The following IGF2R variants were observed in gnomAD, a reference collection of about 807,000 sequenced individuals.
IGF2R encodes the protein cation-independent mannose-6-phosphate receptor.
Under a neutral mutation model 270.6 loss-of-function variants are expected in IGF2R, and 91 were observed. The observed-to-expected ratio is 0.34, with a 90% CI of 0.28 to 0.40. The LOEUF (loss-of-function observed/expected upper bound fraction) is 0.40. Among genes scored for constraint, IGF2R ranks in the 10% least tolerant of loss-of-function variants. The probability of loss-of-function intolerance (pLI) is 1.00; values close to 1 mark genes in which losing one functional copy is unlikely to be tolerated. For missense variants in IGF2R, 2,805 were observed against 3,188.3 expected (o/e 0.88, Z 2.90); for synonymous variants, 1,316 against 1,258.9 (o/e 1.05, Z -0.96).
At chr6:160,100,016 A>G (rs189445435) in intron 45 of IGF2R, among the ~76,000 whole-genome samples, 3 of 152,370 alleles carry the variant, frequency 2.0e-5, no homozygotes, top group Admixed American at 6.5e-5. Flanking sequence ...TAAATATAGT[A>G]TGTAACTTCC....
rs573451595 is a variant in IGF2R at position 160,068,142 on chromosome 6, G to A, written c.4116-107G>A. ...AGAGAGAAGTCGAGTCTAAAGTTCT[G>A]TCAGGCTTAGACTATGCCTGAATAC... On this transcript the variant is annotated intron_variant, in intron 29 of 47. Coordinates refer to ENST00000356956, the MANE Select transcript of IGF2R (RefSeq NM_000876.4). The A allele has an allele frequency of 4.9e-6, 6 of 1,216,138 alleles. No homozygotes were observed. In the South Asian group the frequency reaches 8.4e-5, roughly 17 times the overall value. The allele number at this position is 1,216,138 out of a possible 1,614,324, so 75.3% of individuals were successfully genotyped here.
intron 43 of IGF2R, 139 bp downstream of exon 43, chr6:160,089,392 T>C: frequency 1.4e-6 from 1 of 705,552 alleles, no homozygotes; most frequent in Non-Finnish European, 2.2e-6. Flanking sequence ...TCGTCATCTT[T>C]TGCTTAAACT....
chr6:160,060,582 AATG>A lies in IGF2R; in HGVS notation c.3134_3136del (p.Asp1045del), dbSNP rs1311365528. On this transcript the variant is annotated inframe_deletion, in exon 23 of 48. Coordinates refer to ENST00000356956, the MANE Select transcript of IGF2R (RefSeq NM_000876.4). ...TGCTTTTATCGTCCGCTTTGTTTGC[AATG>A]ATGATGTTTACTCAGGGCCCCTCAA... is the stretch of plus-strand genomic sequence containing the variant. 1 of 1,614,106 alleles carries A rather than the reference AATG, an allele frequency of 6.2e-7. No individual in the cohort carries two copies. Among genetic ancestry groups the A allele is most frequent in the Non-Finnish European group, 8.5e-7 (1 of 1,180,048 alleles).
At chr6:160,000,543 G>C (rs1784111559) in intron 2 of IGF2R, among the ~76,000 whole-genome samples, 1 of 151,946 alleles carries the variant, frequency 6.6e-6, no homozygotes. Flanking sequence ...CGCATCACCA[G>C]GTATAAATGC....
chr6:160,002,902 A>G (rs1336594823), intron 2 of IGF2R, among the ~76,000 whole-genome samples: 1 of 152,206 alleles, frequency 6.6e-6, no homozygotes, highest in Admixed American at 6.5e-5. Flanking sequence ...AAATATTAAT[A>G]TTATGATTTT....
intron 17 of IGF2R, among the ~76,000 whole-genome samples, 166 bp from the exon 18 acceptor site, chr6:160,048,209 G>A (rs549058941): frequency 2.4e-4 from 37 of 152,370 alleles, no homozygotes; most frequent in African/African-American, 8.4e-4. Context: ...AGCGAAGGTG[G>A]AGTGTAATCC....
At chr6:159,979,097 A>G (rs1464558191) in intron 1 of IGF2R, among the ~76,000 whole-genome samples, 1 of 152,176 alleles carries the variant, frequency 6.6e-6, no homozygotes, top group East Asian at 1.9e-4. Context: ...TCTTGCTGTT[A>G]GGGCTGCCAC....
intron 47 of IGF2R, among the ~76,000 whole-genome samples, chr6:160,104,351 G>A (rs1779564669): frequency 6.6e-6 from 1 of 151,914 alleles, no homozygotes; most frequent in African/African-American, 2.4e-5. Flanking sequence ...GCTGCGCTGG[G>A]GGATCACTGG....
chr6:160,085,022 A>T lies in IGF2R; in HGVS notation c.6096A>T (p.Ile2032=). 1 of 1,614,080 alleles carries T rather than the reference A, an allele frequency of 6.2e-7. No individual in the cohort carries two copies. The highest frequency in any genetic ancestry group is 1.3e-5 in the African/African-American group (1 of 75,012). The part of the protein sequence containing the change: ...VSYYINLCQK[I]YKGPLGCSER... The stretch of plus-strand genomic sequence containing the variant: ...ACTATATAAATCTGTGCCAGAAAAT[A>T]TATAAAGGGCCCCTGGGCTGCTCTG... Residue 2032 remains isoleucine (I), a synonymous_variant, in exon 41 of 48, where the codon ATA becomes ATT. Coordinates refer to ENST00000356956, the MANE Select transcript of IGF2R (RefSeq NM_000876.4).
At chr6:160,012,296 TGGGGG>T in intron 4 of IGF2R, among the ~76,000 whole-genome samples, 1 of 152,098 alleles carries the variant, frequency 6.6e-6, no homozygotes, top group South Asian at 2.1e-4. Context: ...GTTTGGGGTT[TGGGGG>T]TGAGGGTGGG....
chr6:159,988,850 C>T (rs1783932075), intron 1 of IGF2R, among the ~76,000 whole-genome samples: 1 of 152,082 alleles, frequency 6.6e-6, no homozygotes, highest in Admixed American at 6.5e-5. Context: ...GCTGTACTCT[C>T]CTGTGCCTCC....
chr6:160,068,480 AGTGAG>A (rs1778641648), intron 30 of IGF2R, 95 bp downstream of exon 30: 2 of 1,524,784 alleles, frequency 1.3e-6, no homozygotes, highest in African/African-American at 2.9e-5. Context: ...TGGTGGTTGT[AGTGAG>A]TGTATCACAG....
intron 30 of IGF2R, among the ~76,000 whole-genome samples, chr6:160,069,063 G>A (rs3777409): frequency 0.085 from 12,870 of 150,930 alleles, 849 homozygotes; most frequent in East Asian, 0.33. Flanking sequence ...TGACGTGGAG[G>A]TCTTGGTGTG....
At position 160,022,169 on chromosome 6, in the gene IGF2R, T is replaced by C. The variant is rs553785267; in HGVS notation, c.514-2403T>C. On this transcript the variant is annotated intron_variant, in intron 4 of 47. Coordinates refer to ENST00000356956, the MANE Select transcript of IGF2R (RefSeq NM_000876.4). ...GTCAGACACCACATATTCTCACTTA[T>C]AAGTGGGAACTAAATAATACATACA... Among the ~76,000 whole-genome samples, 10 of 152,320 alleles carry C rather than the reference T, an allele frequency of 6.6e-5. No homozygotes were observed. In the South Asian group the frequency reaches 1.4e-3, roughly 22 times the overall value.
chr6:160,074,886 C>G (rs1179405604), intron 35 of IGF2R, among the ~76,000 whole-genome samples: 2 of 152,212 alleles, frequency 1.3e-5, no homozygotes, highest in Non-Finnish European at 2.9e-5. Flanking sequence ...AGCTGAGTCT[C>G]CCCAGGAAGC....
At chr6:160,091,176 G>A (rs1343037255) in intron 44 of IGF2R, among the ~76,000 whole-genome samples, 5 of 111,826 alleles carry the variant, frequency 4.5e-5, no homozygotes, top group Admixed American at 3.3e-4. Context: ...GAAGGAGCAG[G>A]TGCTCCGTGC....
intron 4 of IGF2R, among the ~76,000 whole-genome samples, chr6:160,011,425 G>GTA (rs1475702555): frequency 6.6e-6 from 1 of 151,754 alleles, no homozygotes; most frequent in Non-Finnish European, 1.5e-5. Context: ...GTGCATGTAT[G>GTA]TATATATATC....
At chr6:160,067,317 G>A (rs781189693) in intron 29 of IGF2R, among the ~76,000 whole-genome samples, 6 of 152,066 alleles carry the variant, frequency 3.9e-5, no homozygotes, top group Middle Eastern at 3.4e-3. Flanking sequence ...TCCCCTTCTC[G>A]GTCACGCCTT....
intron 22 of IGF2R, among the ~76,000 whole-genome samples, chr6:160,059,971 T>C (rs1778398699): frequency 6.6e-6 from 1 of 152,266 alleles, no homozygotes; most frequent in South Asian, 2.1e-4. Flanking sequence ...ACTCGTGGGA[T>C]TTAAATATTT....
Sources: allele counts gnomAD v4.1 joint callset (sites outside exome capture counted in the v4.1 genomes callset), GRCh38; gene constraint gnomAD v4.1.1; transcripts MANE v1.5; gene names NCBI Gene and HGNC (gene_info 2026-07-23, HGNC 2026-07-21).